The following TBC1D32 variants were observed in gnomAD, a reference collection of about 807,000 sequenced individuals.
TBC1D32 encodes TBC1 domain family member 32.
In TBC1D32, 151 loss-of-function variants were observed where a neutral mutation model predicts 170.3. The observed-to-expected ratio is 0.89, with a 90% CI of 0.78 to 1.01. TBC1D32 has a LOEUF of 1.01. Ranked by LOEUF, TBC1D32 falls within the 50% of genes least tolerant of loss-of-function variation. The probability of loss-of-function intolerance (pLI) is 0.00; values close to 1 mark genes in which losing one functional copy is unlikely to be tolerated. For missense variants in TBC1D32, 1,464 were observed against 1,457.1 expected (o/e 1.00, Z -0.08); for synonymous variants, 498 against 488.0 (o/e 1.02, Z -0.27).
intron 27 of TBC1D32, among the ~76,000 whole-genome samples, chr6:121,114,156 A>G (rs1318706599): frequency 6.6e-6 from 1 of 152,186 alleles, no homozygotes; most frequent in Non-Finnish European, 1.5e-5. Context: ...CCTGGGTGAC[A>G]GAGCGAGATT....
intron 9 of TBC1D32, among the ~76,000 whole-genome samples, chr6:121,303,007 C>T (rs761206786): frequency 5.3e-5 from 8 of 152,090 alleles, no homozygotes; most frequent in East Asian, 3.9e-4. Flanking sequence ...AGAAAGAAGA[C>T]AATGTGAGCA....
At chr6:121,218,767 G>C (rs1794136747) in intron 21 of TBC1D32, among the ~76,000 whole-genome samples, 1 of 152,106 alleles carries the variant, frequency 6.6e-6, no homozygotes, top group Admixed American at 6.5e-5. Context: ...GGTGGTAATT[G>C]AATCATGGGG....
chr6:121,129,749 G>A, intron 25 of TBC1D32: 1 of 294,106 alleles, frequency 3.4e-6, no homozygotes, highest in East Asian at 8.2e-5. Flanking sequence ...TGACTAAGAG[G>A]ACAGGTATCA....
chr6:121,198,851 A>T (rs1791177783), intron 22 of TBC1D32, among the ~76,000 whole-genome samples: 1 of 151,466 alleles, frequency 6.6e-6, no homozygotes, highest in Admixed American at 6.6e-5. Flanking sequence ...TCAAATTGAA[A>T]GTTTAATAAA....
chr6:121,268,419 G>T (rs886229762), intron 15 of TBC1D32, among the ~76,000 whole-genome samples: 1 of 152,156 alleles, frequency 6.6e-6, no homozygotes, highest in Non-Finnish European at 1.5e-5. Flanking sequence ...GATCTTAAAT[G>T]ACCTGATGGA....
chr6:121,212,028 C>CACACACACACACACACACAT (rs1179203925), intron 21 of TBC1D32, among the ~76,000 whole-genome samples: 8 of 143,236 alleles, frequency 5.6e-5, no homozygotes, highest in African/African-American at 2.1e-4. Flanking sequence ...CACACACACA[C>CACACACACACACACACACAT]GACAAAAGGG....
At chr6:121,158,365 C>T (rs1333695257) in intron 24 of TBC1D32, among the ~76,000 whole-genome samples, 1 of 152,026 alleles carries the variant, frequency 6.6e-6, no homozygotes, top group Non-Finnish European at 1.5e-5. Flanking sequence ...CAGTTTAGTT[C>T]TTTCTTGAAA....
chr6:121,286,095 A>T (rs935936691), intron 12 of TBC1D32, among the ~76,000 whole-genome samples: 1 of 152,220 alleles, frequency 6.6e-6, no homozygotes, highest in African/African-American at 2.4e-5. Flanking sequence ...CCTCCTCCAA[A>T]GGAACGCAGC....
At chr6:121,290,405 A>G (rs566547593) in intron 12 of TBC1D32, among the ~76,000 whole-genome samples, 199 of 152,280 alleles carry the variant, frequency 1.3e-3, no homozygotes, top group African/African-American at 4.6e-3. Context: ...AAAAATGCTC[A>G]TCATCACTGG....
At chr6:121,224,971 T>C (rs2128331873) in intron 20 of TBC1D32, among the ~76,000 whole-genome samples, 1 of 152,186 alleles carries the variant, frequency 6.6e-6, no homozygotes, top group East Asian at 1.9e-4. Flanking sequence ...TGGATAGTAA[T>C]GAAGTTATAA....
chr6:121,293,285 G>A (rs1362996839), intron 11 of TBC1D32, among the ~76,000 whole-genome samples: 11 of 151,858 alleles, frequency 7.2e-5, no homozygotes, highest in Non-Finnish European at 1.2e-4. Context: ...GTTTGTAAAT[G>A]AGATAACATA....
At chr6:121,162,427 C>A (rs1562728857) in intron 22 of TBC1D32, among the ~76,000 whole-genome samples, 2 of 152,072 alleles carry the variant, frequency 1.3e-5, no homozygotes, top group African/African-American at 4.8e-5. Flanking sequence ...CCATATATGA[C>A]AAACCCACAG....
chr6:121,271,407 C>A (rs775846057), intron 15 of TBC1D32, among the ~76,000 whole-genome samples: 1 of 152,186 alleles, frequency 6.6e-6, no homozygotes, highest in Non-Finnish European at 1.5e-5. Flanking sequence ...TAAGCAACTT[C>A]AGCAAAGTCT....
chr6:121,084,953 A>C (rs1411874472), intron 31 of TBC1D32, among the ~76,000 whole-genome samples: 2 of 151,962 alleles, frequency 1.3e-5, no homozygotes, highest in Non-Finnish European at 2.9e-5. Context: ...CAGAGAAAAA[A>C]GGGTAAGGTA....
chr6:121,201,702 T>G lies in TBC1D32; in HGVS notation c.2570+3373A>C, dbSNP rs1320146768. The stretch of plus-strand genomic sequence containing the variant: ...TTTAAAGTGGCAACTGTACTATAAT[T>G]CTATTTTTATAAAAGAATTTATTTT... On this transcript the variant is annotated intron_variant, in intron 22 of 31. Coordinates refer to ENST00000398212, the MANE Select transcript of TBC1D32 (RefSeq NM_152730.6). Among the ~76,000 whole-genome samples, 7 of 151,354 alleles carry G rather than the reference T, an allele frequency of 4.6e-5. 1 individual carries two copies. In the East Asian group the frequency reaches 9.6e-4, roughly 21 times the overall value.
intron 12 of TBC1D32, among the ~76,000 whole-genome samples, chr6:121,286,189 C>T (rs1803795200): frequency 6.6e-6 from 1 of 152,000 alleles, no homozygotes; most frequent in Non-Finnish European, 1.5e-5. Flanking sequence ...CAAACTACTC[C>T]AAACTAAAGG....
At chr6:121,192,066 T>TTATATATA (rs1554263739) in intron 22 of TBC1D32, among the ~76,000 whole-genome samples, 2,481 of 122,376 alleles carry the variant, frequency 0.02, 143 homozygotes, top group African/African-American at 0.082. Context: ...AAACTACCCT[T>TTATATATA]TATATATATA....
At chr6:121,161,144 A>G in intron 22 of TBC1D32, 88 bp from the exon 23 acceptor site, 1 of 996,776 alleles carries the variant, frequency 1.0e-6, no homozygotes, top group African/African-American at 1.6e-5. Context: ...TAAAGAAAAA[A>G]GGCAAAAATA....
chr6:121,272,243 C>T (rs1042950796), intron 15 of TBC1D32, among the ~76,000 whole-genome samples: 5 of 151,992 alleles, frequency 3.3e-5, no homozygotes, highest in Non-Finnish European at 7.4e-5. Context: ...CAACAAAAGC[C>T]AAAATTGACA....
Sources: gnomAD v4.1 joint callset for allele counts (sites outside exome capture counted in the v4.1 genomes callset) on GRCh38, gnomAD v4.1.1 for gene constraint, MANE v1.5 for transcripts, NCBI Gene and HGNC (gene_info 2026-07-23, HGNC 2026-07-21) for gene names.